CHODL: variants seen among roughly 807,000 people sequenced by gnomAD.
The protein encoded by CHODL is chondrolectin, also known as transmembrane protein MT75.
CHODL carries 29 observed loss-of-function variants against 34.5 expected under a neutral mutation model. The ratio of observed to expected loss-of-function variants is 0.84; its 90% CI spans 0.63 to 1.15. CHODL has a LOEUF of 1.15. CHODL is among the 50% of genes most tolerant of loss of function. CHODL has a pLI of 0.00. For missense variants in CHODL, 332 were observed against 332.5 expected, an observed-to-expected ratio of 1.00 and a Z score of 0.01; for synonymous variants, 125 against 116.1, an observed-to-expected ratio of 1.08 and a Z score of -0.49.
chr21:18,144,167 A>T (rs1336715021), intron 2 of CHODL, among the ~76,000 whole-genome samples: 2 of 152,124 alleles, frequency 1.3e-5, no homozygotes, highest in South Asian at 4.1e-4. Flanking sequence ...AGCTTATTTT[A>T]CTTTAAATTT....
intron 4 of CHODL, among the ~76,000 whole-genome samples, chr21:18,260,797 G>A (rs1292428205): frequency 6.6e-6 from 1 of 151,888 alleles, no homozygotes. Context: ...GGTCAACAAA[G>A]TGAGACCCTG....
At chr21:18,017,593 CAT>C (rs1359624062) in intron 1 of CHODL, among the ~76,000 whole-genome samples, 1 of 152,182 alleles carries the variant, frequency 6.6e-6, no homozygotes, top group African/African-American at 2.4e-5. Flanking sequence ...TTGGCAGTCT[CAT>C]AGATTTCAGA....
intron 1 of CHODL, among the ~76,000 whole-genome samples, chr21:18,001,304 C>T (rs1444650258): frequency 3.9e-5 from 6 of 152,192 alleles, no homozygotes; most frequent in Non-Finnish European, 1.5e-5. Context: ...GAACAAGGGT[C>T]ACCCATTTCA....
intron 1 of CHODL, among the ~76,000 whole-genome samples, chr21:17,951,421 C>T (rs2063456573): frequency 1.3e-5 from 2 of 152,300 alleles, no homozygotes; most frequent in South Asian, 2.1e-4. Context: ...AACTTCAATA[C>T]TGAGAGTCTT....
chr21:18,100,641 G>C (rs1333218218), intron 2 of CHODL, among the ~76,000 whole-genome samples: 1 of 152,040 alleles, frequency 6.6e-6, no homozygotes, highest in African/African-American at 2.4e-5. Context: ...GAGGTGGATG[G>C]GTAGAAGTAG....
At chr21:18,108,310 T>A (rs1156569101) in intron 2 of CHODL, among the ~76,000 whole-genome samples, 2 of 152,158 alleles carry the variant, frequency 1.3e-5, no homozygotes, top group African/African-American at 4.8e-5. Context: ...GGATCTCCCA[T>A]GAATAGATGG....
intron 1 of CHODL, among the ~76,000 whole-genome samples, chr21:17,965,127 G>T (rs927519542): frequency 6.6e-6 from 1 of 151,870 alleles, no homozygotes; most frequent in Admixed American, 6.6e-5. Flanking sequence ...AATTTTCATT[G>T]TCATCATCCC....
chr21:17,949,397 A>G (rs2063437836), intron 1 of CHODL, among the ~76,000 whole-genome samples: 1 of 152,192 alleles, frequency 6.6e-6, no homozygotes, highest in Admixed American at 6.5e-5. Context: ...AAGAGCTTCT[A>G]GTTAAAGACT....
chr21:18,257,366 A>T (rs2074330425), intron 3 of CHODL, among the ~76,000 whole-genome samples: 1 of 152,202 alleles, frequency 6.6e-6, no homozygotes, highest in Non-Finnish European at 1.5e-5. Context: ...TTTAAGAAAA[A>T]ATAATCATTT....
intron 1 of CHODL, among the ~76,000 whole-genome samples, chr21:17,947,424 A>G (rs1195079369): frequency 6.6e-6 from 1 of 152,044 alleles, no homozygotes; most frequent in Admixed American, 6.6e-5. Flanking sequence ...CAAAAGAAAT[A>G]ATCAACAGAG....
Position 18,256,701 on chromosome 21 carries a change from G to T in CHODL, c.272G>T (p.Gly91Val). ...ESMLQNLTKP[G>V]TGISDGDFWI... ...ATGTTGCAAAACCTGACAAAACCCG[G>T]GACAGGGATTTCTGATGGTGATTTC... The change falls in exon 2 of 6, where the codon GGG becomes GTG. Residue 91 changes from glycine to valine, a missense_variant. Physicochemically the swap from Gly to Val is moderately radical, Grantham distance 109 (BLOSUM62 -3). Transcript: ENST00000299295. The T allele has an allele frequency of 6.2e-7, 1 of 1,614,030 alleles. No homozygotes were observed. Among genetic ancestry groups the T allele is most frequent in the Non-Finnish European group, 8.5e-7 (1 of 1,179,960 alleles).
In CHODL at chr21:17,998,475, A is replaced by G. The variant is rs137999663; in HGVS notation, c.-144-29397A>G. ...TGCCCCAGTAGGGAACCTGTGTGGG[A>G]GCTCTGACCCCACATTTCTCTTCTG... is the stretch of plus-strand genomic sequence containing the variant. On this transcript the variant is annotated intron_variant, in intron 1 of 6. Coordinates refer to the CHODL transcript ENST00000400127. Among the ~76,000 whole-genome samples, 902 of 152,234 alleles carry G rather than the reference A, an allele frequency of 5.9e-3. 9 individuals are homozygous for G. Among genetic ancestry groups the G allele is most frequent in the African/African-American group, 0.015 (613 of 41,534 alleles).
intron 1 of CHODL, among the ~76,000 whole-genome samples, chr21:17,991,349 G>C (rs951136515): frequency 6.6e-6 from 1 of 151,920 alleles, no homozygotes; most frequent in Non-Finnish European, 1.5e-5. Flanking sequence ...TTATACAGTG[G>C]TCTTATTTTT....
At chr21:17,983,005 G>T (rs1222236223) in intron 1 of CHODL, among the ~76,000 whole-genome samples, 1 of 151,996 alleles carries the variant, frequency 6.6e-6, no homozygotes. Context: ...GATTATAGGT[G>T]TGAGCCACCG....
chr21:18,077,110 G>A (rs1197075608), intron 2 of CHODL, among the ~76,000 whole-genome samples: 1 of 152,168 alleles, frequency 6.6e-6, no homozygotes, highest in Non-Finnish European at 1.5e-5. Context: ...GTGCATGGAG[G>A]GTAGAGCATT....
At chr21:17,983,241 A>G (rs1175064914) in intron 1 of CHODL, among the ~76,000 whole-genome samples, 2 of 152,228 alleles carry the variant, frequency 1.3e-5, no homozygotes, top group South Asian at 2.1e-4. Flanking sequence ...TGGCTTTGCA[A>G]TAATCCACTG....
chr21:17,950,545 G>A (rs197584), intron 1 of CHODL, among the ~76,000 whole-genome samples: 63,701 of 142,224 alleles, frequency 0.45, 13,821 homozygotes, highest in East Asian at 0.66. Context: ...CTTCTTTAAA[G>A]CCATCTAAGA....
At chr21:18,258,026 C>G (rs528078097) in intron 3 of CHODL, among the ~76,000 whole-genome samples, 1 of 152,094 alleles carries the variant, frequency 6.6e-6, no homozygotes, top group African/African-American at 2.4e-5. Context: ...ACTCATAATA[C>G]GTGTTCACAG....
rs372188101 is a variant in CHODL, at chr21:18,003,121, CA to C, written c.-144-24737del. 1.4e-3 allele frequency among the ~76,000 whole-genome samples: 108 copies of C among 75,672 alleles called. 1 individual carries two copies. Among genetic ancestry groups the C allele is most frequent in the South Asian group, 0.013 (28 of 2,096 alleles). 49.6% of individuals were successfully genotyped at this position (75,672 alleles called of 152,430 possible). On this transcript the variant is annotated intron_variant, in intron 1 of 6. Transcript: ENST00000400127. ...CCTGGGCGACAGCGAGACTCCGTCTCAAAAAAAAAAAAAACAAAAAAAAAAC... is the reference window on the plus strand; with the variant it reads ...CCTGGGCGACAGCGAGACTCCGTCTCAAAAAAAAAAAAACAAAAAAAAAAC...
Sources: allele counts gnomAD v4.1 joint callset (sites outside exome capture counted in the v4.1 genomes callset), GRCh38; gene constraint gnomAD v4.1.1; transcripts MANE v1.5; gene names NCBI Gene and HGNC (gene_info 2026-07-23, HGNC 2026-07-21).